The following CPNE9 variants were observed in gnomAD, a reference collection of about 807,000 sequenced individuals.
CPNE9 encodes copine-9.
In CPNE9, 59 loss-of-function variants were observed where a neutral mutation model predicts 83.0. That is an observed-to-expected ratio of 0.71 (90% CI 0.58 to 0.88). The LOEUF (loss-of-function observed/expected upper bound fraction) is 0.88. CPNE9 is among the 40% of genes least tolerant of loss of function. The pLI, the probability that CPNE9 is intolerant of heterozygous loss-of-function variation, is 0.00. For synonymous variants in CPNE9, 256 were observed against 273.4 expected (o/e 0.94, Z 0.63); for missense variants, 619 against 720.8 (o/e 0.86, Z 1.62).
chr3:9,711,506 C>T (rs2076628840), intron 7 of CPNE9, among the ~76,000 whole-genome samples: 2 of 152,274 alleles, frequency 1.3e-5, no homozygotes, highest in Admixed American at 6.5e-5. Context: ...CGTGAGCCAT[C>T]GCGCCCAGCC....
At chr3:9,712,434 C>G (rs1319213098) in intron 7 of CPNE9, 107 bp from the exon 8 acceptor site, 2 of 869,274 alleles carry the variant, frequency 2.3e-6, no homozygotes, top group Non-Finnish European at 3.9e-6. Context: ...AAGGGACTGT[C>G]AGTAAATGGC....
At chr3:9,718,364 G>C (rs1324898557) in intron 16 of CPNE9, 111 bp from the exon 17 acceptor site, 4 of 1,471,752 alleles carry the variant, frequency 2.7e-6, no homozygotes, top group Non-Finnish European at 2.8e-6. Context: ...GGCTGGGTTT[G>C]GAGGGGAGCA....
In CPNE9 at chr3:9,713,062, C is replaced by A; in HGVS notation, c.633C>A (p.Cys211Ter). 6.2e-7 allele frequency: 1 copy of A among 1,613,938 alleles called. No individual in the cohort carries two copies. Among genetic ancestry groups the A allele is most frequent in the Non-Finnish European group, 8.5e-7 (1 of 1,179,832 alleles). Residue 211 changes from cysteine to a stop codon, truncating the protein, a stop_gained, in exon 10 of 21, where the codon TGC becomes TGA. Coordinates refer to ENST00000383832, the MANE Select transcript of CPNE9 (RefSeq NM_153635.3). LOFTEE classifies it high-confidence loss of function. The part of the protein sequence containing the change: ...QPFSIPVRAL[C>*]NGDYDRTVKI... Reference sequence around the variant, plus strand: ...TCAGCATCCCTGTGCGGGCTCTGTGCAATGGAGACTATGACAGGTTGGCTC... The same window carrying A: ...TCAGCATCCCTGTGCGGGCTCTGTGAAATGGAGACTATGACAGGTTGGCTC...
chr3:9,725,827 T>G, intron 17 of CPNE9, 122 bp from the exon 18 acceptor site: 1 of 748,488 alleles, frequency 1.3e-6, no homozygotes. Flanking sequence ...GGAAGGAGCA[T>G]GGGTTTCAGA....
chr3:9,714,662 A>C (rs1449511925), intron 10 of CPNE9, among the ~76,000 whole-genome samples: 2 of 116,922 alleles, frequency 1.7e-5, no homozygotes, highest in Non-Finnish European at 3.5e-5. Context: ...AAAAAAAAAA[A>C]AAAAAACCAA....
chr3:9,716,584 C>T (rs2076685761), intron 14 of CPNE9, among the ~76,000 whole-genome samples: 1 of 152,126 alleles, frequency 6.6e-6, no homozygotes, highest in African/African-American at 2.4e-5. Context: ...AATTCTCCTG[C>T]CTCAGCCTCC....
chr3:9,720,670 C>T (rs1575129616), intron 17 of CPNE9, among the ~76,000 whole-genome samples: 1 of 152,174 alleles, frequency 6.6e-6, no homozygotes. Context: ...ATACATATAA[C>T]ATTTCACTAC....
In CPNE9 at chr3:9,705,777, A is replaced by T. The variant is rs1296593455; in HGVS notation, c.300+57A>T. The T allele has an allele frequency of 3.2e-6, 5 of 1,580,690 alleles. No individual in the cohort carries two copies. In the African/African-American group the frequency reaches 6.7e-5, roughly 21 times the overall value. On this transcript the variant is annotated intron_variant, in intron 6 of 20. Coordinates refer to ENST00000383832, the MANE Select transcript of CPNE9 (RefSeq NM_153635.3). Reference sequence around the variant, plus strand: ...GGGTGGGGGTGGTATTGTGGAGAACAGGCTTGGACTGATGACCCACTACAA... The same window carrying T: ...GGGTGGGGGTGGTATTGTGGAGAACTGGCTTGGACTGATGACCCACTACAA...
intron 7 of CPNE9, among the ~76,000 whole-genome samples, chr3:9,710,933 G>A (rs143985306): frequency 5.9e-5 from 9 of 152,252 alleles, no homozygotes; most frequent in African/African-American, 1.9e-4. Context: ...AGAGGCTGAT[G>A]TGGGAGGATC....
Position 9,713,069 on chromosome 3 carries a change from G to A in CPNE9, c.640G>A (p.Asp214Asn), listed in dbSNP as rs1481515887. The change falls in exon 10 of 21, where the codon GAC becomes AAC. Residue 214 changes from aspartate to asparagine, a missense_variant. This residue lies in a region of CPNE9 where 438 missense variants were observed against 562.9 expected (regional missense o/e 0.78). Coordinates refer to ENST00000383832, the MANE Select transcript of CPNE9 (RefSeq NM_153635.3). ...SIPVRALCNG[D>N]YDRTVKIDVY... ...CCCTGTGCGGGCTCTGTGCAATGGAGACTATGACAGGTTGGCTCCAGCATA... is the reference window on the plus strand; with the variant it reads ...CCCTGTGCGGGCTCTGTGCAATGGAAACTATGACAGGTTGGCTCCAGCATA... 1 of 1,613,718 alleles carries A rather than the reference G, an allele frequency of 6.2e-7. No individual in the cohort carries two copies. The highest frequency in any genetic ancestry group is 8.5e-7 in the Non-Finnish European group (1 of 1,179,664).
rs1248474621 is a variant in CPNE9, at chr3:9,704,939, C to A, written c.205C>A (p.Arg69Ser). The A allele has an allele frequency of 1.2e-6, 2 of 1,613,378 alleles. No homozygotes were observed. Among genetic ancestry groups the A allele is most frequent in the African/African-American group, 2.7e-5 (2 of 74,892 alleles). ...TAACACGCTGAACCCAGACTTCGTG[C>A]GCAAATTCGTCCTCGACTATTTCTT... ...IDNTLNPDFV[R>S]KFVLDYFFEE... Residue 69 changes from arginine to serine, a missense_variant, in exon 4 of 21, where the codon CGC (arginine) becomes AGC (serine). Coordinates refer to ENST00000383832, the MANE Select transcript of CPNE9 (RefSeq NM_153635.3). This position sits in a 1 kb window ranked among gnomAD's most constrained non-coding sequence, Gnocchi z 7.1.
At chr3:9,715,009 A>G in intron 11 of CPNE9, 54 bp downstream of exon 11, 2 of 1,523,242 alleles carry the variant, frequency 1.3e-6, no homozygotes, top group Non-Finnish European at 9.1e-7. Context: ...GCAGTTCTCA[A>G]TAATATGTTG....
chr3:9,713,361 G>A (rs541336450), intron 10 of CPNE9, among the ~76,000 whole-genome samples: 37 of 152,270 alleles, frequency 2.4e-4, no homozygotes, highest in African/African-American at 7.7e-4. Flanking sequence ...TGGATGGATC[G>A]TTGGATGGGT....
intron 20 of CPNE9, 74 bp from the exon 21 acceptor site, chr3:9,729,430 AAAG>A: frequency 2.7e-6 from 4 of 1,494,078 alleles, no homozygotes; most frequent in Non-Finnish European, 2.7e-6. Context: ...GGGGATCAAA[AAAG>A]AAGCCTCCCT....
intron 7 of CPNE9, among the ~76,000 whole-genome samples, chr3:9,711,824 A>C (rs2125464139): frequency 6.6e-6 from 1 of 152,204 alleles, no homozygotes; most frequent in Non-Finnish European, 1.5e-5. Context: ...GGAAAGGATA[A>C]AGTTTCCCTT....
At chr3:9,711,045 A>C (rs2076622252) in intron 7 of CPNE9, among the ~76,000 whole-genome samples, 1 of 152,018 alleles carries the variant, frequency 6.6e-6, no homozygotes, top group Non-Finnish European at 1.5e-5. Context: ...AAGTGAGAGA[A>C]GGGAAAAAAG....
chr3:9,728,799 G>C (rs1306665883), intron 20 of CPNE9, among the ~76,000 whole-genome samples: 1 of 149,784 alleles, frequency 6.7e-6, no homozygotes, highest in Non-Finnish European at 1.5e-5. Context: ...CCCTCTCCTA[G>C]GCCTCTCTCT....
At chr3:9,726,371 G>T (rs1439234745) in intron 18 of CPNE9, among the ~76,000 whole-genome samples, 2 of 152,096 alleles carry the variant, frequency 1.3e-5, no homozygotes, top group African/African-American at 4.8e-5. Flanking sequence ...CTTTTATAAT[G>T]GACAGTAAGC....
intron 19 of CPNE9, 138 bp from the exon 20 acceptor site, chr3:9,726,975 C>T (rs937266139): frequency 7.5e-6 from 7 of 935,722 alleles, no homozygotes; most frequent in Admixed American, 3.9e-5. Flanking sequence ...AACTCCATAA[C>T]GAAGACTGAT....
Sources: gnomAD v4.1 joint callset for allele counts (sites outside exome capture counted in the v4.1 genomes callset) on GRCh38, gnomAD v4.1.1 for gene constraint, gnomAD v4.1.1 regional missense constraint, Gnocchi (gnomAD v3.1) non-coding constraint, MANE v1.5 for transcripts, NCBI Gene and HGNC (gene_info 2026-07-23, HGNC 2026-07-21) for gene names.